Variants in PARN observed in about 807,000 individuals in gnomAD.
PARN encodes the protein poly(A)-specific ribonuclease, also known as poly(A)-specific ribonuclease PARN.
PARN carries 71 observed loss-of-function variants against 102.8 expected under a neutral mutation model. The observed-to-expected ratio is 0.69, with a 90% confidence interval of 0.57 to 0.84. The LOEUF (loss-of-function observed/expected upper bound fraction) is 0.84, where lower values mean the gene tolerates loss of function less well. Ranked by LOEUF, PARN falls within the 40% of genes least tolerant of loss-of-function variation. The pLI, the probability that PARN is intolerant of heterozygous loss-of-function variation, is 0.00. For missense variants in PARN, 782 were observed against 760.9 expected, an observed-to-expected ratio of 1.03 and a Z score of -0.33; for synonymous variants, 261 against 252.9, an observed-to-expected ratio of 1.03 and a Z score of -0.30.
Position 14,599,925 on chromosome 16 carries a change from G to A in PARN, c.819C>T (p.Val273=), listed in dbSNP as rs1383644644. The A allele has an allele frequency of 6.2e-7, 1 of 1,603,046 alleles. No individual in the cohort carries two copies. Among genetic ancestry groups the A allele is most frequent in the East Asian group, 2.2e-5 (1 of 44,556 alleles). ...ELNDAVGFSR[V]IHAIANSGKL... ...TTACCGAATTAGCAATGGCGTGAAT[G>A]ACTCTAGAAAATCCCACAGCATCAT... The change falls in exon 12 of 24, where the codon GTC becomes GTT. Residue 273 remains valine (V), a synonymous_variant. Transcript: ENST00000437198.
chr16:14,619,073 G>A (rs1596892580), intron 5 of PARN, among the ~76,000 whole-genome samples: 1 of 151,834 alleles, frequency 6.6e-6, no homozygotes, highest in African/African-American at 2.4e-5. Flanking sequence ...GCACATGCCT[G>A]CAGTCCCAGC....
chr16:14,459,429 A>G (rs1442245968), intron 22 of PARN, among the ~76,000 whole-genome samples: 1 of 152,234 alleles, frequency 6.6e-6, no homozygotes, highest in African/African-American at 2.4e-5. Flanking sequence ...AATAGATCAA[A>G]AGGTAAAATA....
At chr16:14,556,727 T>C (rs1036475217) in intron 18 of PARN, among the ~76,000 whole-genome samples, 2 of 152,094 alleles carry the variant, frequency 1.3e-5, no homozygotes, top group Non-Finnish European at 2.9e-5. Flanking sequence ...TGAACAAGTG[T>C]TCCTAAAAAT....
intron 13 of PARN, chr16:14,592,182 G>A (rs1343887038): frequency 1.3e-5 from 2 of 152,232 alleles, no homozygotes; most frequent in African/African-American, 4.8e-5. Context: ...TATAGTAATG[G>A]GATGAGGAGA....
At position 14,512,381 on chromosome 16, in the gene PARN, T is replaced by C. The variant is rs1041228281; in HGVS notation, c.1481-29554A>G. Among the ~76,000 whole-genome samples the C allele has an allele frequency of 7.9e-5, 12 of 152,272 alleles. No homozygotes were observed. The East Asian group carries it at 2.1e-3, about 27-fold the overall frequency. On this transcript the variant is annotated intron_variant, in intron 21 of 23. Transcript: ENST00000437198. ...AGCTGGGTGTGGTGGTGCACGCCTG[T>C]AGTCCCGAGGCTGAGGCACGAGAAT...
At chr16:14,506,810 G>A (rs1413450607) in intron 21 of PARN, among the ~76,000 whole-genome samples, 1 of 151,984 alleles carries the variant, frequency 6.6e-6, no homozygotes, top group Non-Finnish European at 1.5e-5. Flanking sequence ...GGCCAATATA[G>A]TGAGATCTCA....
At chr16:14,600,190 T>C (rs906435715) in intron 11 of PARN, among the ~76,000 whole-genome samples, 1 of 152,198 alleles carries the variant, frequency 6.6e-6, no homozygotes, top group Non-Finnish European at 1.5e-5. Flanking sequence ...ATTCATTAGT[T>C]ACTAAAAGAA....
At chr16:14,536,843 C>G (rs937152525) in intron 21 of PARN, among the ~76,000 whole-genome samples, 6 of 152,056 alleles carry the variant, frequency 3.9e-5, no homozygotes, top group Non-Finnish European at 8.8e-5. Flanking sequence ...TATAAAACTA[C>G]TAGAAGAAAA....
intron 18 of PARN, among the ~76,000 whole-genome samples, chr16:14,572,213 C>A (rs1002307409): frequency 6.6e-6 from 1 of 152,158 alleles, no homozygotes; most frequent in Non-Finnish European, 1.5e-5. Flanking sequence ...GCTTGACACA[C>A]GGGGTCCCTT....
chr16:14,515,125 C>G (rs1424643341), intron 21 of PARN, among the ~76,000 whole-genome samples: 1 of 152,128 alleles, frequency 6.6e-6, no homozygotes, highest in African/African-American at 2.4e-5. Flanking sequence ...AATTCCAGAA[C>G]ATATACTTGT....
At chr16:14,617,333 G>A (rs1055788592) in intron 6 of PARN, among the ~76,000 whole-genome samples, 8 of 142,406 alleles carry the variant, frequency 5.6e-5, no homozygotes, top group Admixed American at 2.2e-4. Flanking sequence ...GCAGTGAGCC[G>A]AGATCACACC....
chr16:14,597,623 G>T (rs943554932), intron 12 of PARN, among the ~76,000 whole-genome samples: 2 of 151,804 alleles, frequency 1.3e-5, no homozygotes, highest in African/African-American at 2.4e-5. Context: ...CGTGAACCCA[G>T]GAGGCAGAGC....
At chr16:14,494,859 G>T (rs1964233291) in intron 21 of PARN, among the ~76,000 whole-genome samples, 1 of 152,166 alleles carries the variant, frequency 6.6e-6, no homozygotes, top group Non-Finnish European at 1.5e-5. Context: ...GGCAGTGCAG[G>T]GTTGTGCCAT....
intron 6 of PARN, among the ~76,000 whole-genome samples, chr16:14,612,771 T>C (rs1287117516): frequency 2.0e-5 from 3 of 151,692 alleles, no homozygotes; most frequent in Non-Finnish European, 4.4e-5. Flanking sequence ...CTAATTTTTG[T>C]ATTTTAGTAG....
intron 5 of PARN, among the ~76,000 whole-genome samples, chr16:14,624,937 C>A (rs2151819890): frequency 6.6e-6 from 1 of 152,126 alleles, no homozygotes; most frequent in East Asian, 1.9e-4. Context: ...GTAATAACAG[C>A]TACTCAGGAG....
At chr16:14,532,502 C>T (rs1966396833) in intron 21 of PARN, among the ~76,000 whole-genome samples, 1 of 150,294 alleles carries the variant, frequency 6.7e-6, no homozygotes, top group African/African-American at 2.4e-5. Context: ...GGCAAGGTCA[C>T]AGATAAACAG....
chr16:14,463,852 C>CGGGGG (rs1379207947), intron 22 of PARN, among the ~76,000 whole-genome samples: 13 of 106,730 alleles, frequency 1.2e-4, no homozygotes, highest in African/African-American at 4.9e-4. Context: ...GGGGGGGGGA[C>CGGGGG]GACAAGGTCT....
intron 21 of PARN, among the ~76,000 whole-genome samples, chr16:14,492,264 T>C (rs1360861443): frequency 6.6e-6 from 1 of 152,210 alleles, no homozygotes; most frequent in Non-Finnish European, 1.5e-5. Context: ...CCTTCCTCTC[T>C]GCTTTCTCAG....
chr16:14,608,036 C>T lies in PARN; in HGVS notation c.659+245G>A, dbSNP rs2151793615. 3 of 501,870 alleles carry T rather than the reference C, an allele frequency of 6.0e-6. No homozygotes were observed. The South Asian group carries it at 9.2e-5, about 15-fold the overall frequency. 31.1% of individuals were successfully genotyped at this position (501,870 alleles called of 1,614,324 possible). The stretch of plus-strand genomic sequence containing the variant: ...ATACCCCAAAGGACAAAAACACTAC[C>T]AATCCATAGCTTAACAGATGCACCA... On this transcript the variant is annotated intron_variant, in intron 9 of 23. Coordinates refer to ENST00000437198, the MANE Select transcript of PARN (RefSeq NM_002582.4).
Sources: gnomAD v4.1 joint callset for allele counts (sites outside exome capture counted in the v4.1 genomes callset) on GRCh38, gnomAD v4.1.1 for gene constraint, MANE v1.5 for transcripts, NCBI Gene and HGNC (gene_info 2026-07-23, HGNC 2026-07-21) for gene names.